PARD3: variants seen among roughly 807,000 people sequenced by gnomAD.
PARD3 encodes the protein par-3 family cell polarity regulator.
Under a neutral mutation model 155.4 loss-of-function variants are expected in PARD3, and 75 were observed. The ratio of observed to expected loss-of-function variants is 0.48; its 90% CI spans 0.40 to 0.58. The LOEUF (loss-of-function observed/expected upper bound fraction) is 0.58, where lower values mean the gene tolerates loss of function less well. Among genes scored for constraint, PARD3 ranks in the 20% least tolerant of loss-of-function variants. The pLI, the probability that PARD3 is intolerant of heterozygous loss-of-function variation, is 0.00. For missense variants in PARD3, 1,642 were observed against 1,721.7 expected (o/e 0.95, Z 0.82); for synonymous variants, 576 against 610.5 (o/e 0.94, Z 0.83).
At chr10:34,744,529 G>A (rs917566888) in intron 1 of PARD3, among the ~76,000 whole-genome samples, 4 of 152,216 alleles carry the variant, frequency 2.6e-5, no homozygotes. Context: ...AACTAAGTGA[G>A]CATAAACAGG....
At chr10:34,164,003 T>C (rs1370105972) in intron 22 of PARD3, among the ~76,000 whole-genome samples, 1 of 152,212 alleles carries the variant, frequency 6.6e-6, no homozygotes, top group African/African-American at 2.4e-5. Context: ...TTATTATTAT[T>C]TTCTTAATGT....
intron 15 of PARD3, among the ~76,000 whole-genome samples, chr10:34,342,126 A>T (rs1054149821): frequency 4.6e-5 from 7 of 152,246 alleles, no homozygotes; most frequent in Non-Finnish European, 1.0e-4. Flanking sequence ...TGCTACACGC[A>T]TTCTAAACTG....
chr10:34,265,539 G>C (rs1246614809), intron 22 of PARD3, among the ~76,000 whole-genome samples: 1 of 152,204 alleles, frequency 6.6e-6, no homozygotes, highest in Non-Finnish European at 1.5e-5. Flanking sequence ...AATTTGAATA[G>C]TAAAGGTCAC....
chr10:34,313,604 G>A (rs1034049001), intron 20 of PARD3, among the ~76,000 whole-genome samples: 9 of 152,234 alleles, frequency 5.9e-5, no homozygotes, highest in Non-Finnish European at 1.2e-4. Flanking sequence ...CATGCTGTCT[G>A]TATATGCCAA....
intron 2 of PARD3, among the ~76,000 whole-genome samples, chr10:34,666,049 C>T (rs2133200913): frequency 6.6e-6 from 1 of 150,422 alleles, no homozygotes; most frequent in Non-Finnish European, 1.5e-5. Context: ...CCTGACTCTA[C>T]CAAAAAAAAA....
At chr10:34,185,964 A>T (rs1203043889) in intron 22 of PARD3, among the ~76,000 whole-genome samples, 1 of 151,968 alleles carries the variant, frequency 6.6e-6, no homozygotes, top group Non-Finnish European at 1.5e-5. Flanking sequence ...GTTACGTATC[A>T]CCTTCATCTT....
chr10:34,168,036 T>C (rs1949617211), intron 22 of PARD3, among the ~76,000 whole-genome samples: 1 of 140,102 alleles, frequency 7.1e-6, no homozygotes, highest in Non-Finnish European at 1.6e-5. Context: ...CGTGTCATAG[T>C]AATGGCTTAA....
At chr10:34,399,681 T>C (rs1457368680) in intron 6 of PARD3, among the ~76,000 whole-genome samples, 1 of 152,194 alleles carries the variant, frequency 6.6e-6, no homozygotes, top group Non-Finnish European at 1.5e-5. Flanking sequence ...TACATTAAAA[T>C]GACACAGAAC....
chr10:34,621,420 C>T (rs964616659), intron 2 of PARD3, among the ~76,000 whole-genome samples: 9 of 152,106 alleles, frequency 5.9e-5, no homozygotes, highest in Admixed American at 3.9e-4. Context: ...TGGTCTCAAA[C>T]TCCTGACCTC....
At chr10:34,339,628 T>A (rs569377638) in intron 16 of PARD3, among the ~76,000 whole-genome samples, 19 of 152,320 alleles carry the variant, frequency 1.2e-4, no homozygotes, top group African/African-American at 4.3e-4. Flanking sequence ...GTTCTCTCAA[T>A]TGATTAATGG....
At position 34,761,022 on chromosome 10, in the gene PARD3, T is replaced by C. The variant is rs1837378361; in HGVS notation, c.120+53854A>G. On this transcript the variant is annotated intron_variant, in intron 1 of 24. Coordinates refer to ENST00000374788, the MANE Select transcript of PARD3 (RefSeq NM_001184785.2). ...ATATATTTCTTTATATATGATCCTG[T>C]CACAGAACATATAACATTATTTGGA... Among the ~76,000 whole-genome samples, 4 of 152,074 alleles carry C rather than the reference T, an allele frequency of 2.6e-5. No homozygotes were observed. The South Asian group carries it at 8.3e-4, about 31-fold the overall frequency.
intron 23 of PARD3, among the ~76,000 whole-genome samples, chr10:34,125,071 C>CTTTCTTTTTTCTTT (rs1554790399): frequency 7.1e-6 from 1 of 140,636 alleles, no homozygotes; most frequent in African/African-American, 2.8e-5. Context: ...CTATTTCTTT[C>CTTTCTTTTTTCTTT]TTTTTTTTTT....
At chr10:34,173,093 G>GC (rs1949876253) in intron 22 of PARD3, among the ~76,000 whole-genome samples, 1 of 152,178 alleles carries the variant, frequency 6.6e-6, no homozygotes, top group Admixed American at 6.5e-5. Flanking sequence ...GAATCGTCTA[G>GC]CCCTATTGCA....
In PARD3 at chr10:34,130,862, A is replaced by C. The variant is rs147789517; in HGVS notation, c.3540+601T>G. ...GATCACTTGAGCCTAGGAATTTGAG[A>C]CCAGCCTGGCCAACATAGTGAGACT... On this transcript the variant is annotated intron_variant, in intron 23 of 24. Coordinates refer to ENST00000374788, the MANE Select transcript of PARD3 (RefSeq NM_001184785.2). Among the ~76,000 whole-genome samples, 817 of 152,278 alleles carry C rather than the reference A, an allele frequency of 5.4e-3. 3 individuals are homozygous for C. Among genetic ancestry groups the C allele is most frequent in the African/African-American group, 0.018 (737 of 41,550 alleles).
chr10:34,622,016 T>C (rs1387670586), intron 2 of PARD3, among the ~76,000 whole-genome samples: 2 of 152,216 alleles, frequency 1.3e-5, no homozygotes, highest in East Asian at 1.9e-4. Context: ...TATCTTAAAA[T>C]TCAGTAGAAG....
At position 34,337,667 on chromosome 10, in the gene PARD3, TTCTC is replaced by T. The variant is rs546361467; in HGVS notation, c.2409-245_2409-242del. ...CTCTTTCTCCATGTGAATTTTCTCC[TTCTC>T]TACTTTCCTCTCTGTTTCTTCACTC... On this transcript the variant is annotated intron_variant, in intron 16 of 24. Transcript: ENST00000374788. 2.4e-4 allele frequency among the ~76,000 whole-genome samples: 37 copies of T among 152,286 alleles called. No individual in the cohort carries two copies. In the South Asian group the frequency reaches 7.0e-3, roughly 29 times the overall value.
intron 3 of PARD3, among the ~76,000 whole-genome samples, chr10:34,494,879 A>T (rs1460058938): frequency 2.6e-5 from 4 of 152,118 alleles, no homozygotes; most frequent in African/African-American, 9.7e-5. Context: ...TGGGAGATGA[A>T]ATGTAGGATG....
At position 34,387,569 on chromosome 10, in the gene PARD3, G is replaced by A. The variant is rs571829063; in HGVS notation, c.891-3315C>T. 8.3e-4 allele frequency among the ~76,000 whole-genome samples: 126 copies of A among 152,048 alleles called. 1 individual carries two copies. Among genetic ancestry groups the A allele is most frequent in the African/African-American group, 2.9e-3 (120 of 41,484 alleles). On this transcript the variant is annotated intron_variant, in intron 7 of 24. Coordinates refer to ENST00000374788, the MANE Select transcript of PARD3 (RefSeq NM_001184785.2). ...AGCTGGGATTAGAGGTGTGTGCCAC[G>A]ACCCCTGGCTAGTTTGTTTGTTTGT...
At chr10:34,190,506 C>T (rs1211703742) in intron 22 of PARD3, among the ~76,000 whole-genome samples, 1 of 151,588 alleles carries the variant, frequency 6.6e-6, no homozygotes, top group East Asian at 1.9e-4. Flanking sequence ...AGATATTTAC[C>T]CAAATAATAA....
Sources: allele counts gnomAD v4.1 joint callset (sites outside exome capture counted in the v4.1 genomes callset), GRCh38; gene constraint gnomAD v4.1.1; transcripts MANE v1.5; gene names NCBI Gene and HGNC (gene_info 2026-07-23, HGNC 2026-07-21).